Variants in ADAM32 observed in about 807,000 individuals in gnomAD.
ADAM32 encodes the protein disintegrin and metalloproteinase domain-containing protein 32.
Under a neutral mutation model 114.9 loss-of-function variants are expected in ADAM32, and 89 were observed. The ratio of observed to expected loss-of-function variants is 0.77; its 90% CI spans 0.65 to 0.92. ADAM32 has a LOEUF of 0.92. ADAM32 is among the 40% of genes least tolerant of loss of function. ADAM32 has a pLI of 0.00. For missense variants in ADAM32, 870 were observed against 932.8 expected (o/e 0.93, Z 0.88); for synonymous variants, 285 against 307.5 (o/e 0.93, Z 0.77).
chr8:39,165,290 T>C (rs939411424), intron 9 of ADAM32, 94 bp downstream of exon 9: 14 of 973,488 alleles, frequency 1.4e-5, no homozygotes, highest in Non-Finnish European at 2.0e-5. Flanking sequence ...TTTCTGAATA[T>C]CCATGCTTTG....
At chr8:39,156,021 A>C (rs1804127007) in intron 6 of ADAM32, among the ~76,000 whole-genome samples, 1 of 152,164 alleles carries the variant, frequency 6.6e-6, no homozygotes, top group Admixed American at 6.6e-5. Context: ...AAGCTATGTT[A>C]ATGATAATAC....
chr8:39,279,923 G>A (rs1435551294), intron 22 of ADAM32, among the ~76,000 whole-genome samples: 2 of 152,128 alleles, frequency 1.3e-5, no homozygotes, highest in Non-Finnish European at 2.9e-5. Context: ...TGCCTCTCCT[G>A]GGGCATGAAT....
At chr8:39,109,268 G>T (rs990347751) in intron 1 of ADAM32, among the ~76,000 whole-genome samples, 1 of 152,182 alleles carries the variant, frequency 6.6e-6, no homozygotes, top group Non-Finnish European at 1.5e-5. Context: ...ACGGCCAGGC[G>T]TGGTGGCTCA....
chr8:39,216,657 C>A (rs1808587577), intron 12 of ADAM32, among the ~76,000 whole-genome samples: 1 of 151,968 alleles, frequency 6.6e-6, no homozygotes, highest in Admixed American at 6.6e-5. Flanking sequence ...CAAATACTAT[C>A]TTCTAGCCCA....
intron 14 of ADAM32, among the ~76,000 whole-genome samples, chr8:39,225,859 G>T (rs1809330752): frequency 6.6e-6 from 1 of 151,938 alleles, no homozygotes; most frequent in East Asian, 1.9e-4. Flanking sequence ...GAATTTGAAG[G>T]TATCAATGCA....
chr8:39,122,758 G>A (rs964787124), intron 2 of ADAM32, among the ~76,000 whole-genome samples: 3 of 152,078 alleles, frequency 2.0e-5, no homozygotes, highest in African/African-American at 7.2e-5. Flanking sequence ...TGGTAGAGAT[G>A]GGGTTTTGCC....
chr8:39,231,773 G>A (rs1053218029), intron 14 of ADAM32, among the ~76,000 whole-genome samples: 2 of 152,042 alleles, frequency 1.3e-5, no homozygotes, highest in Non-Finnish European at 2.9e-5. Flanking sequence ...CCCTCTTCTA[G>A]TTGACACTTC....
chr8:39,122,519 C>T (rs763728858), intron 2 of ADAM32, among the ~76,000 whole-genome samples: 3 of 152,176 alleles, frequency 2.0e-5, no homozygotes, highest in Admixed American at 1.3e-4. Context: ...AGAAACCAAC[C>T]TGCTAGCATA....
intron 6 of ADAM32, among the ~76,000 whole-genome samples, chr8:39,156,272 C>T (rs906670653): frequency 6.6e-6 from 1 of 152,102 alleles, no homozygotes; most frequent in Non-Finnish European, 1.5e-5. Context: ...CTCTGCCTCC[C>T]AATTAGCTGG....
intron 19 of ADAM32, among the ~76,000 whole-genome samples, chr8:39,269,595 T>G (rs1812581764): frequency 6.6e-6 from 1 of 152,236 alleles, no homozygotes; most frequent in Non-Finnish European, 1.5e-5. Flanking sequence ...AAGATCTCTG[T>G]GAGGAGTCTA....
intron 4 of ADAM32, among the ~76,000 whole-genome samples, chr8:39,149,556 G>A (rs1324640093): frequency 6.6e-6 from 1 of 152,094 alleles, no homozygotes; most frequent in Non-Finnish European, 1.5e-5. Context: ...ACAACATTTT[G>A]GAAGCAGGGT....
intron 6 of ADAM32, among the ~76,000 whole-genome samples, chr8:39,156,712 A>C (rs1804172963): frequency 6.6e-6 from 1 of 152,178 alleles, no homozygotes; most frequent in Non-Finnish European, 1.5e-5. Flanking sequence ...GTTTCTTCTG[A>C]GGACCCTCTG....
chr8:39,157,648 C>T, intron 6 of ADAM32: 1 of 650,314 alleles, frequency 1.5e-6, no homozygotes. Context: ...TGTCAATGAA[C>T]TTAAGGTCAG....
intron 7 of ADAM32, 30 bp from the exon 8 acceptor site, chr8:39,164,734 C>A: frequency 6.7e-7 from 1 of 1,483,202 alleles, no homozygotes; most frequent in Non-Finnish European, 9.2e-7. Context: ...ATAATTTGTA[C>A]TTAAATATAA....
intron 6 of ADAM32, among the ~76,000 whole-genome samples, chr8:39,159,890 TG>T (rs1292501906): frequency 6.6e-6 from 1 of 152,138 alleles, no homozygotes; most frequent in Non-Finnish European, 1.5e-5. Flanking sequence ...GCTGGATGTG[TG>T]AGATGGGATG....
intron 16 of ADAM32, among the ~76,000 whole-genome samples, chr8:39,234,518 A>T (rs1036889828): frequency 2.6e-5 from 4 of 152,218 alleles, no homozygotes; most frequent in Non-Finnish European, 4.4e-5. Flanking sequence ...TTTGCAAGTT[A>T]TCTAGCTAGT....
At chr8:39,205,349 G>T (rs202118066) in intron 11 of ADAM32, among the ~76,000 whole-genome samples, 32 of 152,292 alleles carry the variant, frequency 2.1e-4, no homozygotes, top group African/African-American at 6.3e-4. Flanking sequence ...CCCCAGCCTC[G>T]CTGCCACCTT....
At chr8:39,228,352 G>A (rs1210904602) in intron 14 of ADAM32, among the ~76,000 whole-genome samples, 1 of 152,146 alleles carries the variant, frequency 6.6e-6, no homozygotes, top group African/African-American at 2.4e-5. Context: ...ACCTGAAAAA[G>A]AAATCAGGAG....
At position 39,233,936 on chromosome 8, in the gene ADAM32, A is replaced by G. The variant is rs1809920187; in HGVS notation, c.1672A>G (p.Thr558Ala). ...TGGAAGATTAGTTTGTACCTACCCT[A>G]CTCGAAAGCCTTTCCATCAAGAAAA... ...ICGRLVCTYP[T>A]RKPFHQENGD... The change falls in exon 16 of 25, where the codon ACT becomes GCT. Residue 558 changes from threonine to alanine, a missense_variant. Coordinates refer to ENST00000379907, the MANE Select transcript of ADAM32 (RefSeq NM_145004.7). 1 of 1,589,098 alleles carries G rather than the reference A, an allele frequency of 6.3e-7. No individual in the cohort carries two copies. The highest frequency in any genetic ancestry group is 2.3e-5 in the East Asian group (1 of 43,796).
Sources: gnomAD v4.1 joint callset for allele counts (sites outside exome capture counted in the v4.1 genomes callset) on GRCh38, gnomAD v4.1.1 for gene constraint, MANE v1.5 for transcripts, NCBI Gene and HGNC (gene_info 2026-07-23, HGNC 2026-07-21) for gene names.